The following RANBP2 variants were observed in gnomAD, a reference collection of about 807,000 sequenced individuals.
The protein encoded by RANBP2 is RAN binding protein 2.
Under a neutral mutation model 303.6 loss-of-function variants are expected in RANBP2, and 57 were observed. The ratio of observed to expected loss-of-function variants is 0.19; its 90% confidence interval spans 0.15 to 0.23. RANBP2 has a LOEUF of 0.23. Ranked by LOEUF, RANBP2 falls within the 10% of genes least tolerant of loss-of-function variation. The probability of loss-of-function intolerance (pLI) is 1.00; values close to 1 mark genes in which losing one functional copy is unlikely to be tolerated. For missense variants in RANBP2, 3,138 were observed against 3,780.8 expected (o/e 0.83, Z 4.46); for synonymous variants, 1,167 against 1,301.5 (o/e 0.90, Z 2.23).
chr2:109,054,869 T>C, the RANBP2 span, among the ~76,000 whole-genome samples: 12 of 152,260 alleles, frequency 7.9e-5, 1 homozygote, highest in East Asian at 1.4e-3. Flanking sequence ...GTTTAGCCTA[T>C]TGTAGAAGTC....
At chr2:108,908,190 C>T in the RANBP2 span, among the ~76,000 whole-genome samples, 1 of 152,030 alleles carries the variant, frequency 6.6e-6, no homozygotes, top group Non-Finnish European at 1.5e-5. Context: ...GGACATGAGA[C>T]GAGACATACA....
At chr2:109,020,780 G>C in the RANBP2 span, among the ~76,000 whole-genome samples, 1 of 152,210 alleles carries the variant, frequency 6.6e-6, no homozygotes, top group Non-Finnish European at 1.5e-5. Flanking sequence ...CAAGGTATTA[G>C]TCCAAAAGCC....
At chr2:109,523,130 G>T in the RANBP2 span, among the ~76,000 whole-genome samples, 7 of 152,078 alleles carry the variant, frequency 4.6e-5, no homozygotes, top group African/African-American at 1.7e-4. Context: ...GAGTAGATGC[G>T]GCTGATGGCA....
chr2:108,977,994 G>C, the RANBP2 span, among the ~76,000 whole-genome samples: 1 of 152,186 alleles, frequency 6.6e-6, no homozygotes, highest in African/African-American at 2.4e-5. Context: ...TTCTATTCTC[G>C]TAGAGGAACT....
the RANBP2 span, among the ~76,000 whole-genome samples, chr2:109,402,167 C>G: frequency 6.6e-6 from 1 of 152,222 alleles, no homozygotes; most frequent in Non-Finnish European, 1.5e-5. Context: ...ACCAAGCCCT[C>G]CCGGTCTGCC....
chr2:109,755,200 G>C, the RANBP2 span, among the ~76,000 whole-genome samples: 6 of 122,016 alleles, frequency 4.9e-5, no homozygotes, highest in African/African-American at 1.7e-4. Flanking sequence ...CACCTTGGTG[G>C]GGGGGGGCCC....
the RANBP2 span, among the ~76,000 whole-genome samples, chr2:109,344,514 C>A: frequency 6.6e-6 from 1 of 152,214 alleles, no homozygotes; most frequent in African/African-American, 2.4e-5. Context: ...AGCTCGGATC[C>A]CCTGAGGTCA....
chr2:109,175,457 G>A, the RANBP2 span, among the ~76,000 whole-genome samples: 1 of 152,322 alleles, frequency 6.6e-6, no homozygotes, highest in South Asian at 2.1e-4. Context: ...AGCTTCACGA[G>A]TTGGCAGGTG....
the RANBP2 span, among the ~76,000 whole-genome samples, chr2:109,655,037 G>A: frequency 6.6e-6 from 1 of 151,868 alleles, no homozygotes; most frequent in African/African-American, 2.4e-5. Context: ...CGAGTAGCTG[G>A]CATTACAGGT....
At chr2:109,425,669 G>T in the RANBP2 span, among the ~76,000 whole-genome samples, 1 of 151,108 alleles carries the variant, frequency 6.6e-6, no homozygotes, top group Non-Finnish European at 1.5e-5. Context: ...CCTGAATATT[G>T]TAAGTCCATT....
chr2:109,066,453 C>T, the RANBP2 span, among the ~76,000 whole-genome samples: 3 of 152,174 alleles, frequency 2.0e-5, no homozygotes, highest in Non-Finnish European at 4.4e-5. Context: ...CACACCTCGC[C>T]ACGCAAACAG....
In RANBP2 at chr2:108,766,774, C is replaced by G; in HGVS notation, c.6235C>G (p.Gln2079Glu). 1.2e-6 allele frequency: 2 copies of G among 1,611,990 alleles called. No individual in the cohort carries two copies. Among genetic ancestry groups the G allele is most frequent in the Non-Finnish European group, 1.7e-6 (2 of 1,179,832 alleles). The change falls in exon 20 of 29, where the codon CAA becomes GAA. Residue 2079 changes from glutamine to glutamate, a missense_variant. Physicochemically the swap from Gln to Glu is conservative, Grantham distance 29. This residue lies in a region of RANBP2 where 103 missense variants were observed against 214.3 expected (regional missense o/e 0.48). Coordinates refer to ENST00000283195, the MANE Select transcript of RANBP2 (RefSeq NM_006267.5). ...ACTAAGAATGCTGATGCGAAGAGAA[C>G]AAGTACTAAAAGTGTGTGCTAATCA... Reference protein sequence around the residue: ...GKLRMLMRREQVLKVCANHWI... With the variant: ...GKLRMLMRREEVLKVCANHWI...
chr2:109,542,511 T>C, the RANBP2 span, among the ~76,000 whole-genome samples: 2 of 152,168 alleles, frequency 1.3e-5, no homozygotes, highest in Non-Finnish European at 1.5e-5. Context: ...AACAGTATGG[T>C]CAAATATAGC....
chr2:109,720,599 G>T, the RANBP2 span, among the ~76,000 whole-genome samples: 4 of 152,172 alleles, frequency 2.6e-5, no homozygotes, highest in Non-Finnish European at 5.9e-5. Context: ...CTGAAGTGCA[G>T]GTCTGTAAGA....
At chr2:109,293,413 A>G in the RANBP2 span, among the ~76,000 whole-genome samples, 1 of 152,192 alleles carries the variant, frequency 6.6e-6, no homozygotes, top group Non-Finnish European at 1.5e-5. Flanking sequence ...ACTGATCTGG[A>G]CATTGAGTCC....
the RANBP2 span, among the ~76,000 whole-genome samples, chr2:108,854,010 A>ATTTT: frequency 1.0e-5 from 1 of 99,442 alleles, no homozygotes; most frequent in African/African-American, 4.0e-5. Context: ...TATTATATAT[A>ATTTT]ATATATAATA....
the RANBP2 span, chr2:109,419,611 A>T: frequency 6.3e-7 from 1 of 1,591,326 alleles, no homozygotes; most frequent in East Asian, 2.3e-5. Flanking sequence ...AGAGCAGGGC[A>T]CGCCTCCCAA....
At chr2:108,893,735 CACAA>C in the RANBP2 span, among the ~76,000 whole-genome samples, 1 of 152,124 alleles carries the variant, frequency 6.6e-6, no homozygotes, top group Non-Finnish European at 1.5e-5. Flanking sequence ...CTTAAACACA[CACAA>C]AGACTCCTGC....
chr2:109,137,963 T>C, the RANBP2 span, among the ~76,000 whole-genome samples: 1 of 152,244 alleles, frequency 6.6e-6, no homozygotes, highest in South Asian at 2.1e-4. Context: ...GTTGCCTGTG[T>C]GGAGTGCCTT....
Sources: allele counts gnomAD v4.1 joint callset (sites outside exome capture counted in the v4.1 genomes callset), GRCh38; gene constraint gnomAD v4.1.1; regional missense constraint gnomAD v4.1.1; transcripts MANE v1.5; gene names NCBI Gene and HGNC (gene_info 2026-07-23, HGNC 2026-07-21).